The following RAD51C variants were observed in gnomAD, a reference collection of about 807,000 sequenced individuals.
RAD51C encodes DNA repair protein RAD51 homolog 3.
A neutral mutation model predicts 45.0 loss-of-function variants in RAD51C; 42 were observed. The observed-to-expected ratio is 0.93, with a 90% CI of 0.73 to 1.21. The LOEUF (loss-of-function observed/expected upper bound fraction) is 1.21, where lower values mean the gene tolerates loss of function less well. Among genes scored for constraint, RAD51C ranks in the 50% most tolerant of loss-of-function variants. The probability of loss-of-function intolerance (pLI) is 0.00; values close to 1 mark genes in which losing one functional copy is unlikely to be tolerated. For synonymous variants in RAD51C, 172 were observed against 159.8 expected (o/e 1.08, Z -0.58); for missense variants, 474 against 452.2 (o/e 1.05, Z -0.44).
At chr17:58,703,933 CTTTTTTTTT>C (rs67254535) in intron 4 of RAD51C, among the ~76,000 whole-genome samples, 12 of 66,528 alleles carry the variant, frequency 1.8e-4, no homozygotes, top group South Asian at 4.9e-4. Flanking sequence ...CATGTATCAC[CTTTTTTTTT>C]TTTTTTTTTT....
At chr17:58,727,858 G>A (rs2049227724) in intron 7 of RAD51C, among the ~76,000 whole-genome samples, 1 of 151,618 alleles carries the variant, frequency 6.6e-6, no homozygotes, top group Non-Finnish European at 1.5e-5. Context: ...AGCCCTGGAA[G>A]TCAGGGTGGC....
intron 6 of RAD51C, among the ~76,000 whole-genome samples, chr17:58,723,779 T>G (rs977654896): frequency 6.6e-6 from 1 of 151,996 alleles, no homozygotes; most frequent in Non-Finnish European, 1.5e-5. Context: ...GGCTTGATGA[T>G]ATGGAAAATT....
At chr17:58,693,058 G>T (rs1354355241) in intron 1 of RAD51C, 5 of 479,102 alleles carry the variant, frequency 1.0e-5, no homozygotes, top group Non-Finnish European at 1.9e-5. Context: ...CCCTCAACCC[G>T]CTTACGTAGA....
At position 58,696,801 on chromosome 17, in the gene RAD51C, C is replaced by T. The variant is rs140279158; in HGVS notation, c.513C>T (p.Asp171=). ...GTTTTATGGTTGATAGAGTGGTAGA[C>T]CTTGCTACTGCCTGCATTCAGCACC... The part of the protein sequence containing the change: ...EGSFMVDRVV[D]LATACIQHLQ... Residue 171 remains aspartate, a synonymous_variant, in exon 3 of 9, where the codon GAC becomes GAT. Coordinates refer to ENST00000337432, the MANE Select transcript of RAD51C (RefSeq NM_058216.3). 86 of 1,614,004 alleles carry T rather than the reference C, an allele frequency of 5.3e-5. No homozygotes were observed. Among genetic ancestry groups the T allele is most frequent in the Non-Finnish European group, 6.7e-5 (79 of 1,180,032 alleles).
rs865774206 is a variant in RAD51C at position 58,734,614 on chromosome 17, A to G, written c.*392A>G. 52 of 159,468 alleles carry G rather than the reference A, an allele frequency of 3.3e-4. No homozygotes were observed. Among genetic ancestry groups the G allele is most frequent in the Middle Eastern group, 6.4e-3 (2 of 312 alleles). The allele number at this position is 159,468 out of a possible 1,614,324, so 9.9% of individuals were successfully genotyped here. Reference sequence around the variant, plus strand: ...TTTTTTTTTTTTTTTTTTTTTTTGGAGATGGATTCTCGCTCTGTAGTCCAG... The same window carrying G: ...TTTTTTTTTTTTTTTTTTTTTTTGGGGATGGATTCTCGCTCTGTAGTCCAG... On this transcript the variant is annotated 3_prime_UTR_variant, in exon 9 of 9. Transcript: ENST00000337432.
intron 5 of RAD51C, among the ~76,000 whole-genome samples, chr17:58,715,269 T>A (rs538224405): frequency 6.7e-4 from 102 of 151,908 alleles, no homozygotes; most frequent in Non-Finnish European, 1.0e-3. Flanking sequence ...CTGGCCAACA[T>A]GGTGAAACCC....
chr17:58,731,176 G>A (rs568074789), intron 7 of RAD51C, among the ~76,000 whole-genome samples: 1 of 151,812 alleles, frequency 6.6e-6, no homozygotes, highest in Non-Finnish European at 1.5e-5. Context: ...TTCATCTGTG[G>A]ATGCACACTT....
rs61758784 is a variant in RAD51C at position 58,695,161 on chromosome 17, G to A, written c.376G>A (p.Ala126Thr). The change falls in exon 2 of 9, where the codon GCA (alanine) becomes ACA (threonine). Residue 126 changes from alanine to threonine, a missense_variant. Coordinates refer to ENST00000337432, the MANE Select transcript of RAD51C (RefSeq NM_058216.3). ...PLMKTTEICG[A>T]PGVGKTQLCM... Reference sequence around the variant, plus strand: ...AATGAAAACAACAGAAATTTGTGGTGCACCAGGTGTTGGAAAAACACAATT... The same window carrying A: ...AATGAAAACAACAGAAATTTGTGGTACACCAGGTGTTGGAAAAACACAATT... 7,973 of 1,612,814 alleles carry A rather than the reference G, an allele frequency of 4.9e-3. 33 individuals are homozygous for A. The highest frequency in any genetic ancestry group is 6.3e-3 in the Middle Eastern group (38 of 6,056).
At chr17:58,698,082 G>T (rs1400686842) in intron 3 of RAD51C, among the ~76,000 whole-genome samples, 5 of 151,688 alleles carry the variant, frequency 3.3e-5, no homozygotes, top group Non-Finnish European at 7.4e-5. Context: ...CGCGATCTCG[G>T]CTCACTGCAG....
chr17:58,705,487 C>T lies in RAD51C; in HGVS notation c.705+2158C>T, dbSNP rs541350143. ...TAGCTGGGACTACAGGCGCATGCCA[C>T]CACGCCTGGCTAATTTTTGTATTTT... On this transcript the variant is annotated intron_variant, in intron 4 of 8. Transcript: ENST00000337432. Among the ~76,000 whole-genome samples, 16 of 152,150 alleles carry T rather than the reference C, an allele frequency of 1.1e-4. No homozygotes were observed. In the South Asian group the frequency reaches 3.1e-3, roughly 30 times the overall value.
Position 58,721,878 on chromosome 17 carries a change from G to A in RAD51C, c.904+1066G>A, listed in dbSNP as rs151225922. Among the ~76,000 whole-genome samples, 868 of 152,156 alleles carry A rather than the reference G, an allele frequency of 5.7e-3. 5 individuals are homozygous for A. The highest frequency in any genetic ancestry group is 9.2e-3 in the African/African-American group (380 of 41,508). On this transcript the variant is annotated intron_variant, in intron 6 of 8. Coordinates refer to ENST00000337432, the MANE Select transcript of RAD51C (RefSeq NM_058216.3). ...AAGTACAGGGTACTGTACAAAGGAC[G>A]GATTCTAACCTGGCCCAGGTGAGCA...
intron 5 of RAD51C, among the ~76,000 whole-genome samples, chr17:58,711,787 G>A (rs1421081203): frequency 1.3e-5 from 2 of 152,022 alleles, no homozygotes; most frequent in Non-Finnish European, 2.9e-5. Context: ...TTCTTCAAAG[G>A]ATGGGATTTT....
intron 3 of RAD51C, among the ~76,000 whole-genome samples, chr17:58,701,301 G>T (rs1291484207): frequency 2.0e-5 from 3 of 151,884 alleles, no homozygotes; most frequent in Admixed American, 1.3e-4. Context: ...GAGGTCAGGA[G>T]ATCGAGACCA....
At chr17:58,706,211 G>A (rs304280) in intron 4 of RAD51C, among the ~76,000 whole-genome samples, 45,351 of 151,720 alleles carry the variant, frequency 0.3, 7,248 homozygotes, top group Middle Eastern at 0.49. Flanking sequence ...GGCAGATCAC[G>A]AAGTCAGGAG....
chr17:58,703,129 T>C (rs2143795195), intron 3 of RAD51C, 67 bp from the exon 4 acceptor site: 3 of 1,530,672 alleles, frequency 2.0e-6, no homozygotes, highest in Non-Finnish European at 2.7e-6. Flanking sequence ...TTAAAAAGCA[T>C]TGTTTTTCTA....
At chr17:58,727,239 CT>C (rs1370231894) in intron 7 of RAD51C, among the ~76,000 whole-genome samples, 1 of 151,446 alleles carries the variant, frequency 6.6e-6, no homozygotes, top group East Asian at 1.9e-4. Flanking sequence ...ATTCTCTTGT[CT>C]CAGCCTGCCG....
chr17:58,732,347 C>G (rs1027489978), intron 7 of RAD51C, 137 bp from the exon 8 acceptor site: 3 of 724,236 alleles, frequency 4.1e-6, no homozygotes, highest in Non-Finnish European at 6.9e-6. Context: ...ATATTTCTCT[C>G]CTTTTTGTGT....
chr17:58,719,829 C>T (rs879626990), intron 5 of RAD51C, among the ~76,000 whole-genome samples: 3 of 149,908 alleles, frequency 2.0e-5, no homozygotes, highest in East Asian at 2.0e-4. Context: ...CCCGGGTTCA[C>T]GCCATTCTCC....
chr17:58,721,133 T>C (rs1187952773), intron 6 of RAD51C, among the ~76,000 whole-genome samples: 3 of 151,848 alleles, frequency 2.0e-5, no homozygotes, highest in Admixed American at 2.0e-4. Flanking sequence ...ATACAAAAAA[T>C]TAGCCAGGCA....
Sources: gnomAD v4.1 joint callset for allele counts (sites outside exome capture counted in the v4.1 genomes callset) on GRCh38, gnomAD v4.1.1 for gene constraint, MANE v1.5 for transcripts, NCBI Gene and HGNC (gene_info 2026-07-23, HGNC 2026-07-21) for gene names.